Variants in AOAH observed in about 807,000 individuals in gnomAD.
AOAH encodes the protein acyloxyacyl hydrolase.
AOAH carries 64 observed loss-of-function variants against 92.2 expected under a neutral mutation model. The observed-to-expected ratio is 0.69, with a 90% CI of 0.57 to 0.86. The LOEUF (loss-of-function observed/expected upper bound fraction) is 0.86. Ranked by LOEUF, AOAH falls within the 40% of genes least tolerant of loss-of-function variation. The pLI is 0.00. For synonymous variants in AOAH, 263 were observed against 254.5 expected (o/e 1.03, Z -0.32); for missense variants, 656 against 694.6 (o/e 0.94, Z 0.62).
At chr7:36,603,448 C>T (rs953146553) in intron 11 of AOAH, among the ~76,000 whole-genome samples, 13 of 152,200 alleles carry the variant, frequency 8.5e-5, no homozygotes, top group Non-Finnish European at 1.6e-4. Context: ...TCGCCTGCCC[C>T]GGCCTTTCTC....
chr7:36,542,160 G>A (rs1346675170), intron 15 of AOAH, among the ~76,000 whole-genome samples: 1 of 152,140 alleles, frequency 6.6e-6, no homozygotes, highest in Non-Finnish European at 1.5e-5. Flanking sequence ...ACATACACCA[G>A]GAGGAAGGCC....
At chr7:36,523,629 G>GGTTTTTTTTTTTTTTTTTTT (rs759621905) in intron 19 of AOAH, among the ~76,000 whole-genome samples, 1 of 100,138 alleles carries the variant, frequency 1.0e-5, no homozygotes, top group African/African-American at 4.1e-5. Flanking sequence ...TGTTTTGCCT[G>GGTTTTTTTTTTTTTTTTTTT]TTTTTTTTTT....
chr7:36,602,976 C>T (rs1201727965), intron 11 of AOAH, among the ~76,000 whole-genome samples: 1 of 152,174 alleles, frequency 6.6e-6, no homozygotes, highest in Non-Finnish European at 1.5e-5. Context: ...TCTGGGCATA[C>T]ACATCTGCTG....
intron 7 of AOAH, 75 bp from the exon 8 acceptor site, chr7:36,621,855 G>T: frequency 1.5e-6 from 2 of 1,307,638 alleles, no homozygotes; most frequent in Non-Finnish European, 2.2e-6. Context: ...AATCAGAGTT[G>T]TCTGAATGGC....
intron 1 of AOAH, among the ~76,000 whole-genome samples, chr7:36,696,076 T>G (rs962504370): frequency 2.0e-5 from 3 of 152,214 alleles, no homozygotes; most frequent in Non-Finnish European, 4.4e-5. Context: ...GAAACTTGGT[T>G]GAAAATCAGT....
Position 36,567,463 on chromosome 7 carries a change from T to C in AOAH, c.1021+9111A>G, listed in dbSNP as rs1304302447. The stretch of plus-strand genomic sequence containing the variant: ...AAATGGAGTTGCTCTGTGAATTAAA[T>C]GAAGATGGAGTATATAAAGTACTTA... On this transcript the variant is annotated intron_variant, in intron 13 of 20. Coordinates refer to ENST00000617537, the MANE Select transcript of AOAH (RefSeq NM_001637.4). Among the ~76,000 whole-genome samples the C allele has an allele frequency of 2.6e-5, 4 of 152,330 alleles. No individual in the cohort carries two copies. In the Middle Eastern group the frequency reaches 0.01, roughly 389 times the overall value.
intron 2 of AOAH, among the ~76,000 whole-genome samples, chr7:36,677,743 C>T (rs925343815): frequency 1.6e-4 from 25 of 152,112 alleles, no homozygotes; most frequent in African/African-American, 5.8e-4. Context: ...CGTGGTATAC[C>T]TATACGATGC....
intron 16 of AOAH, among the ~76,000 whole-genome samples, chr7:36,534,856 G>A (rs1363346572): frequency 1.3e-5 from 2 of 152,044 alleles, no homozygotes; most frequent in African/African-American, 4.8e-5. Flanking sequence ...GTATCTGTGT[G>A]TCTTCATGTG....
intron 2 of AOAH, among the ~76,000 whole-genome samples, chr7:36,681,366 T>C (rs1039304342): frequency 3.7e-4 from 56 of 152,154 alleles, no homozygotes; most frequent in Admixed American, 1.9e-3. Context: ...CCTAGGCCTA[T>C]ATGCCTTAAC....
chr7:36,711,078 A>G (rs1798739345), intron 1 of AOAH, among the ~76,000 whole-genome samples: 1 of 152,140 alleles, frequency 6.6e-6, no homozygotes, highest in South Asian at 2.1e-4. Context: ...ATGCCTTACT[A>G]TTGCTTCCAC....
intron 15 of AOAH, among the ~76,000 whole-genome samples, chr7:36,543,554 A>G (rs2116233913): frequency 6.6e-6 from 1 of 152,140 alleles, no homozygotes; most frequent in East Asian, 1.9e-4. Flanking sequence ...TAAGATGGAC[A>G]AAGTCTCCCC....
intron 4 of AOAH, among the ~76,000 whole-genome samples, chr7:36,653,920 T>C (rs1254468451): frequency 6.6e-6 from 1 of 152,154 alleles, no homozygotes; most frequent in East Asian, 1.9e-4. Context: ...TCCAGGATGC[T>C]TCTGGCTCAA....
At chr7:36,517,174 C>CT (rs1412926422) in intron 20 of AOAH, among the ~76,000 whole-genome samples, 1 of 50,822 alleles carries the variant, frequency 2.0e-5, no homozygotes, top group African/African-American at 6.5e-5. Flanking sequence ...TTCTTTCTTT[C>CT]TTTCTTTCTT....
chr7:36,622,954 T>C (rs982757770), intron 7 of AOAH, among the ~76,000 whole-genome samples: 1 of 152,078 alleles, frequency 6.6e-6, no homozygotes, highest in African/African-American at 2.4e-5. Flanking sequence ...GCACGAGAAG[T>C]ACTTGAAACC....
chr7:36,678,987 T>C (rs1796475764), intron 2 of AOAH, among the ~76,000 whole-genome samples: 2 of 152,314 alleles, frequency 1.3e-5, no homozygotes, highest in Middle Eastern at 3.4e-3. Flanking sequence ...TACAAGAGTA[T>C]TTAATTTCTA....
chr7:36,654,588 C>T (rs1794770842), intron 4 of AOAH, among the ~76,000 whole-genome samples: 1 of 152,156 alleles, frequency 6.6e-6, no homozygotes, highest in Non-Finnish European at 1.5e-5. Flanking sequence ...GCGCTATGAG[C>T]TCCCTGCTAC....
chr7:36,642,160 A>C (rs1489326805), intron 4 of AOAH, among the ~76,000 whole-genome samples: 1 of 152,066 alleles, frequency 6.6e-6, no homozygotes, highest in African/African-American at 2.4e-5. Flanking sequence ...AGGTTGATGC[A>C]AAAGTAATTG....
intron 13 of AOAH, among the ~76,000 whole-genome samples, chr7:36,571,126 T>C (rs1788119870): frequency 6.6e-6 from 1 of 152,100 alleles, no homozygotes. Context: ...ATGAATAAAG[T>C]CTAGTATTTA....
chr7:36,574,271 G>A (rs988440129), intron 13 of AOAH, among the ~76,000 whole-genome samples: 1 of 152,080 alleles, frequency 6.6e-6, no homozygotes, highest in Non-Finnish European at 1.5e-5. Context: ...CCTATTCCCC[G>A]GCATCTATTC....
Sources: gnomAD v4.1 joint callset for allele counts (sites outside exome capture counted in the v4.1 genomes callset) on GRCh38, gnomAD v4.1.1 for gene constraint, MANE v1.5 for transcripts, NCBI Gene and HGNC (gene_info 2026-07-23, HGNC 2026-07-21) for gene names.